The following JADE3 variants were observed in gnomAD, a reference collection of about 807,000 sequenced individuals.
The protein encoded by JADE3 is protein Jade-3.
JADE3 carries 2 observed loss-of-function variants against 50.1 expected under a neutral mutation model. The ratio of observed to expected loss-of-function variants is 0.04; its 90% confidence interval spans 0.02 to 0.13. The LOEUF (loss-of-function observed/expected upper bound fraction) is 0.13, where lower values mean the gene tolerates loss of function less well. JADE3 is among the 10% of genes least tolerant of loss of function. JADE3 has a pLI of 1.00. For missense variants in JADE3, 475 were observed against 634.4 expected (o/e 0.75, Z 2.70); for synonymous variants, 218 against 232.9 (o/e 0.94, Z 0.58).
chrX:47,007,810 TGTG>T (rs1928466104), intron 4 of JADE3, among the ~76,000 whole-genome samples: 4 of 11,654 alleles, frequency 3.4e-4, no homozygotes, highest in Middle Eastern at 0.071. Context: ...TTTTATTTTG[TGTG>T]TGTGTGTGTG....
chrX:46,934,733 CCTT>C (rs1206600387), intron 1 of JADE3, among the ~76,000 whole-genome samples: 2 of 111,145 alleles, frequency 1.8e-5, no homozygotes, highest in Non-Finnish European at 3.8e-5. Flanking sequence ...CCGTGCCCGG[CCTT>C]CTTCTATGTT....
At chrX:47,016,305 C>A (rs782140873) in intron 4 of JADE3, among the ~76,000 whole-genome samples, 1 of 111,791 alleles carries the variant, frequency 8.9e-6, no homozygotes, top group African/African-American at 3.2e-5. Context: ...ATTACAAAGT[C>A]AAAGCTATGA....
At chrX:46,998,388 T>C in intron 4 of JADE3, 111 bp downstream of exon 4, 2 of 676,065 alleles carry the variant, frequency 3.0e-6, no homozygotes, top group Non-Finnish European at 4.5e-6. Context: ...CAAAGTCACA[T>C]ACCATTTTCA....
intron 1 of JADE3, among the ~76,000 whole-genome samples, chrX:46,941,595 T>C (rs1556342280): frequency 8.9e-6 from 1 of 111,951 alleles, no homozygotes; most frequent in Non-Finnish European, 1.9e-5. Context: ...TAATAGCCAT[T>C]CTGACTGGAG....
intron 10 of JADE3, among the ~76,000 whole-genome samples, chrX:47,056,608 G>C (rs1929636792): frequency 8.9e-6 from 1 of 112,241 alleles, no homozygotes; most frequent in African/African-American, 3.2e-5. Flanking sequence ...CCAGAAGTAA[G>C]TTTGGAGATC....
chrX:47,044,793 G>A (rs917757264), intron 8 of JADE3, among the ~76,000 whole-genome samples: 1 of 111,897 alleles, frequency 8.9e-6, no homozygotes, highest in Admixed American at 9.5e-5. Flanking sequence ...AAGTTGAAGT[G>A]TAGAGTTTTT....
chrX:46,929,565 A>G (rs868943637), intron 1 of JADE3, among the ~76,000 whole-genome samples: 1 of 111,315 alleles, frequency 9.0e-6, no homozygotes, highest in African/African-American at 3.3e-5. Context: ...AAAGATGCAG[A>G]CTCAAAAGGC....
intron 8 of JADE3, among the ~76,000 whole-genome samples, chrX:47,044,318 A>G (rs1009657186): frequency 1.8e-5 from 2 of 112,079 alleles, no homozygotes; most frequent in African/African-American, 3.2e-5. Flanking sequence ...TGGAGCTCCA[A>G]TACATCTAGC....
At chrX:46,936,703 T>C (rs183187739) in intron 1 of JADE3, among the ~76,000 whole-genome samples, 3 of 112,023 alleles carry the variant, frequency 2.7e-5, no homozygotes, top group Non-Finnish European at 3.8e-5. Context: ...AGTTTGTTAT[T>C]TACAGGGGAT....
At chrX:46,959,455 CTG>C (rs1927208528) in intron 1 of JADE3, among the ~76,000 whole-genome samples, 1 of 111,959 alleles carries the variant, frequency 8.9e-6, no homozygotes, top group African/African-American at 3.3e-5. Context: ...GTGTTAGGCT[CTG>C]TGGTTATCAC....
intron 1 of JADE3, among the ~76,000 whole-genome samples, chrX:46,960,151 A>C (rs1927222787): frequency 9.1e-6 from 1 of 110,125 alleles, no homozygotes; most frequent in Non-Finnish European, 1.9e-5. Context: ...TCCCCTGCTC[A>C]GAGTACTGTC....
At chrX:46,914,758 C>T (rs1556335922) in intron 1 of JADE3, among the ~76,000 whole-genome samples, 1 of 112,216 alleles carries the variant, frequency 8.9e-6, no homozygotes, top group African/African-American at 3.2e-5. Flanking sequence ...TCTCTCTCCC[C>T]TCTTCTCTGA....
chrX:47,025,946 A>G (rs1556365425), intron 5 of JADE3, among the ~76,000 whole-genome samples: 3 of 111,508 alleles, frequency 2.7e-5, no homozygotes, highest in Admixed American at 9.6e-5. Context: ...CTGAAATTAT[A>G]TTAAAGCAGT....
chrX:46,993,009 AGTT>A (rs1326430247), intron 3 of JADE3, among the ~76,000 whole-genome samples: 2 of 111,436 alleles, frequency 1.8e-5, no homozygotes, highest in South Asian at 3.8e-4. Context: ...ATACTCGTAA[AGTT>A]GTTGTTGTTG....
At chrX:46,929,963 G>T (rs1926455693) in intron 1 of JADE3, among the ~76,000 whole-genome samples, 1 of 112,052 alleles carries the variant, frequency 8.9e-6, no homozygotes, top group Admixed American at 9.5e-5. Context: ...CATTTACCCA[G>T]ATGGGATAGT....
intron 8 of JADE3, among the ~76,000 whole-genome samples, chrX:47,042,851 C>A (rs189087711): frequency 9.0e-6 from 1 of 111,446 alleles, no homozygotes; most frequent in Non-Finnish European, 1.9e-5. Flanking sequence ...GGGATGTGAA[C>A]GAACATAGGT....
chrX:46,920,922 T>A lies in JADE3; in HGVS notation c.-12+8203T>A, dbSNP rs189820506. On this transcript the variant is annotated intron_variant, in intron 1 of 10. Transcript: ENST00000614628. ...ACTCTGGCTTTTTAAAATCTTTCTC[T>A]CAGGGTATGCTTAAGTTACTTTTTA... is the stretch of plus-strand genomic sequence containing the variant. 8.0e-5 allele frequency among the ~76,000 whole-genome samples: 9 copies of A among 111,963 alleles called. No individual in the cohort carries two copies. In the East Asian group the frequency reaches 2.2e-3, roughly 28 times the overall value.
At chrX:47,015,832 A>G (rs1928662970) in intron 4 of JADE3, among the ~76,000 whole-genome samples, 2 of 102,286 alleles carry the variant, frequency 2.0e-5, no homozygotes, top group East Asian at 3.2e-4. Flanking sequence ...AGATCCTCCT[A>G]TCTCAGCCTC....
chrX:46,984,454 C>A (rs1465088741), intron 1 of JADE3, among the ~76,000 whole-genome samples: 1 of 112,130 alleles, frequency 8.9e-6, no homozygotes, highest in Admixed American at 9.4e-5. Flanking sequence ...CTTGTTCTTT[C>A]TTCAGCCAAC....
Sources: gnomAD v4.1 joint callset for allele counts (sites outside exome capture counted in the v4.1 genomes callset) on GRCh38, gnomAD v4.1.1 for gene constraint, MANE v1.5 for transcripts, NCBI Gene and HGNC (gene_info 2026-07-23, HGNC 2026-07-21) for gene names.